Variants in GALNT13 observed in about 807,000 individuals in gnomAD.
GALNT13 encodes polypeptide N-acetylgalactosaminyltransferase 13.
A neutral mutation model predicts 64.2 loss-of-function variants in GALNT13; 28 were observed. The observed-to-expected ratio is 0.44, with a 90% confidence interval of 0.32 to 0.60. The LOEUF (loss-of-function observed/expected upper bound fraction) is 0.60. Among genes scored for constraint, GALNT13 ranks in the 20% least tolerant of loss-of-function variants. The probability of loss-of-function intolerance (pLI) is 0.05; values close to 1 mark genes in which losing one functional copy is unlikely to be tolerated. For missense variants in GALNT13, 577 were observed against 669.8 expected (o/e 0.86, Z 1.53); for synonymous variants, 214 against 224.6 (o/e 0.95, Z 0.42).
the GALNT13 span, among the ~76,000 whole-genome samples, chr2:153,559,821 GCTAA>G: frequency 6.6e-6 from 1 of 151,886 alleles, no homozygotes; most frequent in Non-Finnish European, 1.5e-5. Context: ...GTTTTATTTG[GCTAA>G]CTTTTTCAGT....
chr2:154,441,153 A>G (rs1291456390), intron 12 of GALNT13, among the ~76,000 whole-genome samples: 1 of 152,148 alleles, frequency 6.6e-6, no homozygotes, highest in Non-Finnish European at 1.5e-5. Flanking sequence ...ATATCTATGT[A>G]TCTTCCATAG....
the GALNT13 span, among the ~76,000 whole-genome samples, chr2:153,373,159 T>TGTGTGC: frequency 6.7e-6 from 1 of 149,530 alleles, no homozygotes; most frequent in Non-Finnish European, 1.5e-5. Flanking sequence ...TGTGTGTGTG[T>TGTGTGC]GCACGTGTGT....
At chr2:154,410,828 C>G (rs770527080) in intron 11 of GALNT13, among the ~76,000 whole-genome samples, 1 of 151,894 alleles carries the variant, frequency 6.6e-6, no homozygotes, top group Admixed American at 6.6e-5. Context: ...CATTCTATTG[C>G]TTATGAAAAT....
intron 4 of GALNT13, among the ~76,000 whole-genome samples, chr2:154,235,278 T>A (rs555909372): frequency 2.8e-4 from 42 of 152,286 alleles, no homozygotes; most frequent in African/African-American, 9.9e-4. Context: ...TCTGATTTTT[T>A]AAAAAATTGA....
the GALNT13 span, among the ~76,000 whole-genome samples, chr2:153,295,115 A>C: frequency 6.6e-6 from 1 of 152,112 alleles, no homozygotes; most frequent in African/African-American, 2.4e-5. Context: ...CCCTCAGAGC[A>C]TATTACTGTG....
chr2:153,747,205 T>C, the GALNT13 span, among the ~76,000 whole-genome samples: 7 of 152,216 alleles, frequency 4.6e-5, no homozygotes, highest in South Asian at 1.2e-3. Context: ...TCCTTTGTAT[T>C]ACAAGCTATC....
At chr2:153,351,651 A>T in the GALNT13 span, among the ~76,000 whole-genome samples, 1 of 152,170 alleles carries the variant, frequency 6.6e-6, no homozygotes, top group Non-Finnish European at 1.5e-5. Flanking sequence ...GACAACTACT[A>T]TCTTTTCATT....
rs115733575 is a variant in GALNT13 at position 154,336,833 on chromosome 2, G to A, written c.1156+35244G>A. Reference sequence around the variant, plus strand: ...TAACTTAGCACTCTCTCTGCAGTGGGACTTCTTGACTACAAGGTCCTTTTG... The same window carrying A: ...TAACTTAGCACTCTCTCTGCAGTGGAACTTCTTGACTACAAGGTCCTTTTG... On this transcript the variant is annotated intron_variant, in intron 9 of 12. Transcript: ENST00000392825. 7.3e-3 allele frequency among the ~76,000 whole-genome samples: 1,103 copies of A among 152,082 alleles called. 12 individuals are homozygous for A. The highest frequency in any genetic ancestry group is 0.011 in the Non-Finnish European group (715 of 67,972).
the GALNT13 span, among the ~76,000 whole-genome samples, chr2:153,195,757 C>T: frequency 0.011 from 1,689 of 152,254 alleles, 12 homozygotes; most frequent in Middle Eastern, 0.054. Context: ...CAGCGGGTCC[C>T]GAGTAATTGT....
the GALNT13 span, chr2:153,187,332 C>A: frequency 1.3e-5 from 2 of 152,152 alleles, no homozygotes; most frequent in African/African-American, 4.8e-5. Context: ...GGGTGTTCAC[C>A]TCTGATTCTC....
intron 3 of GALNT13, among the ~76,000 whole-genome samples, chr2:154,137,705 T>C (rs901292875): frequency 6.6e-6 from 1 of 152,106 alleles, no homozygotes; most frequent in African/African-American, 2.4e-5. Flanking sequence ...CCCATGTCTT[T>C]TCCACAGAGC....
chr2:153,133,246 C>T, the GALNT13 span, among the ~76,000 whole-genome samples: 16 of 152,102 alleles, frequency 1.1e-4, no homozygotes, highest in African/African-American at 2.9e-4. Context: ...AAGGGACTAA[C>T]GAGCTGTTTT....
At chr2:153,858,202 T>C in the GALNT13 span, among the ~76,000 whole-genome samples, 1 of 152,068 alleles carries the variant, frequency 6.6e-6, no homozygotes, top group Non-Finnish European at 1.5e-5. Flanking sequence ...AAGTGCATCA[T>C]AGGAAGAGGG....
At chr2:154,232,380 G>GGTTA (rs1688963139) in intron 4 of GALNT13, among the ~76,000 whole-genome samples, 1 of 151,988 alleles carries the variant, frequency 6.6e-6, no homozygotes, top group South Asian at 2.1e-4. Flanking sequence ...TCCCAGTGAA[G>GGTTA]GTTACTTCAC....
At chr2:153,328,036 G>GT in the GALNT13 span, among the ~76,000 whole-genome samples, 5 of 151,552 alleles carry the variant, frequency 3.3e-5, no homozygotes, top group Admixed American at 6.6e-5. Context: ...TAGTTTTTTG[G>GT]TTTTTTTTCT....
At chr2:153,597,839 T>G in the GALNT13 span, among the ~76,000 whole-genome samples, 1 of 152,028 alleles carries the variant, frequency 6.6e-6, no homozygotes, top group Non-Finnish European at 1.5e-5. Flanking sequence ...CATGGAAAGA[T>G]GCTTAACACA....
At chr2:153,468,512 C>T in the GALNT13 span, among the ~76,000 whole-genome samples, 2 of 151,914 alleles carry the variant, frequency 1.3e-5, no homozygotes, top group Admixed American at 6.6e-5. Context: ...AAAATGTAAA[C>T]GAATCTTTCA....
intron 4 of GALNT13, among the ~76,000 whole-genome samples, chr2:154,165,064 G>T (rs1385244888): frequency 6.6e-6 from 1 of 152,062 alleles, no homozygotes; most frequent in Non-Finnish European, 1.5e-5. Context: ...TGTGTCTACT[G>T]TCCCAAGAGT....
At chr2:153,257,047 C>T in the GALNT13 span, among the ~76,000 whole-genome samples, 1 of 152,242 alleles carries the variant, frequency 6.6e-6, no homozygotes, top group Non-Finnish European at 1.5e-5. Context: ...GCCCCTCCGC[C>T]AGCCTCGCTG....
Sources: allele counts gnomAD v4.1 joint callset (sites outside exome capture counted in the v4.1 genomes callset), GRCh38; gene constraint gnomAD v4.1.1; transcripts MANE v1.5; gene names NCBI Gene and HGNC (gene_info 2026-07-23, HGNC 2026-07-21).